The following CDC42SE2 variants were observed in gnomAD, a reference collection of about 807,000 sequenced individuals.
The protein encoded by CDC42SE2 is CDC42 small effector protein 2.
A neutral mutation model predicts 11.5 loss-of-function variants in CDC42SE2; 3 were observed. The observed-to-expected ratio is 0.26, with a 90% CI of 0.12 to 0.67. CDC42SE2 has a LOEUF of 0.67. Among genes scored for constraint, CDC42SE2 ranks in the 30% least tolerant of loss-of-function variants. The pLI, the probability that CDC42SE2 is intolerant of heterozygous loss-of-function variation, is 0.80. For missense variants in CDC42SE2, 82 were observed against 106.8 expected (o/e 0.77, Z 1.02); for synonymous variants, 33 against 34.8 (o/e 0.95, Z 0.18).
chr5:131,219,532 G>C, the CDC42SE2 span, among the ~76,000 whole-genome samples: 1 of 152,118 alleles, frequency 6.6e-6, no homozygotes, highest in Admixed American at 6.5e-5. Context: ...TAGTGAACAA[G>C]TAAGATTGAA....
chr5:131,246,761 CTTT>C (rs71000981), intron 1 of CDC42SE2, among the ~76,000 whole-genome samples: 2 of 124,474 alleles, frequency 1.6e-5, no homozygotes, highest in African/African-American at 3.0e-5. Context: ...CACTCAAATC[CTTT>C]TTTTTTTTTT....
At chr5:131,361,881 C>T (rs188730634) in intron 3 of CDC42SE2, among the ~76,000 whole-genome samples, 47 of 152,192 alleles carry the variant, frequency 3.1e-4, no homozygotes, top group Admixed American at 5.2e-4. Flanking sequence ...CTTGTGCAGG[C>T]GTGTTCCCTC....
At chr5:131,216,212 C>T in the CDC42SE2 span, among the ~76,000 whole-genome samples, 47 of 152,220 alleles carry the variant, frequency 3.1e-4, no homozygotes, top group African/African-American at 2.4e-5. Context: ...CAGTAGCTCA[C>T]GCCTGTAATC....
At chr5:131,245,678 T>G (rs1756576231) in intron 1 of CDC42SE2, 1 of 152,216 alleles carries the variant, frequency 6.6e-6, no homozygotes, top group Non-Finnish European at 1.5e-5. Context: ...AGAGCTTCTT[T>G]AAAAATCCCA....
chr5:131,228,238 G>A, the CDC42SE2 span, among the ~76,000 whole-genome samples: 3 of 152,080 alleles, frequency 2.0e-5, no homozygotes, highest in East Asian at 5.8e-4. Context: ...GTGGTGGTAG[G>A]TACCTGTAGT....
chr5:131,244,595 C>G (rs890526773), upstream of CDC42SE2, among the ~76,000 whole-genome samples: 1 of 152,146 alleles, frequency 6.6e-6, no homozygotes, highest in Non-Finnish European at 1.5e-5. Flanking sequence ...CCTGTACTCC[C>G]AGCTACTCGG....
chr5:131,359,638 T>G, intron 3 of CDC42SE2, 91 bp downstream of exon 3: 2 of 897,118 alleles, frequency 2.2e-6, no homozygotes, highest in Non-Finnish European at 3.8e-6. Flanking sequence ...TAGCAGTAAT[T>G]GCAAAGCAGT....
intron 1 of CDC42SE2, among the ~76,000 whole-genome samples, chr5:131,277,797 C>T (rs1028453623): frequency 6.6e-6 from 1 of 152,166 alleles, no homozygotes; most frequent in African/African-American, 2.4e-5. Context: ...TAGGTCCTCC[C>T]CATCACTGTT....
At chr5:131,279,331 T>A (rs953675796) in intron 1 of CDC42SE2, among the ~76,000 whole-genome samples, 6 of 152,158 alleles carry the variant, frequency 3.9e-5, no homozygotes, top group Non-Finnish European at 7.3e-5. Flanking sequence ...GATCTTCAGA[T>A]CCTCTGACAG....
At chr5:131,383,292 A>T (rs554759158) in intron 3 of CDC42SE2, among the ~76,000 whole-genome samples, 1 of 152,248 alleles carries the variant, frequency 6.6e-6, no homozygotes, top group Non-Finnish European at 1.5e-5. Flanking sequence ...GCTAGGAAAT[A>T]GAAAAATTAA....
chr5:131,284,402 G>C (rs373863486), intron 1 of CDC42SE2, among the ~76,000 whole-genome samples: 1 of 152,194 alleles, frequency 6.6e-6, no homozygotes, highest in Admixed American at 6.5e-5. Context: ...ACAATTGTTA[G>C]AGTGCTAAAG....
chr5:131,268,501 G>A (rs918893616), intron 1 of CDC42SE2, among the ~76,000 whole-genome samples: 9 of 151,374 alleles, frequency 5.9e-5, no homozygotes, highest in Non-Finnish European at 1.0e-4. Flanking sequence ...TGCCCAGGGT[G>A]GAGTGAAATG....
At chr5:131,328,836 C>T (rs1026358600) in intron 2 of CDC42SE2, among the ~76,000 whole-genome samples, 5 of 152,204 alleles carry the variant, frequency 3.3e-5, no homozygotes, top group Admixed American at 6.5e-5. Flanking sequence ...GTCAAATAGC[C>T]GCCACCTGGC....
intron 2 of CDC42SE2, among the ~76,000 whole-genome samples, chr5:131,357,978 C>T (rs1258187852): frequency 6.6e-6 from 1 of 152,212 alleles, no homozygotes; most frequent in Non-Finnish European, 1.5e-5. Context: ...GCTCCAGTGA[C>T]ACCACATTTA....
intron 1 of CDC42SE2, among the ~76,000 whole-genome samples, chr5:131,295,290 A>C (rs1295516675): frequency 6.6e-6 from 1 of 151,924 alleles, no homozygotes; most frequent in Non-Finnish European, 1.5e-5. Context: ...AAAAAAAAAA[A>C]CCAAACCAAA....
At chr5:131,388,003 A>AC (rs1750538475) in intron 4 of CDC42SE2, among the ~76,000 whole-genome samples, 1 of 152,010 alleles carries the variant, frequency 6.6e-6, no homozygotes. Context: ...TTCAATTAGT[A>AC]ACTTTTTTTT....
upstream of CDC42SE2, among the ~76,000 whole-genome samples, chr5:131,245,066 G>A (rs992550282): frequency 2.0e-5 from 3 of 152,118 alleles, no homozygotes; most frequent in Non-Finnish European, 4.4e-5. Flanking sequence ...CCAATAGACT[G>A]GTGGGAAAAC....
chr5:131,311,674 T>G (rs1757918021), intron 1 of CDC42SE2, among the ~76,000 whole-genome samples: 1 of 152,202 alleles, frequency 6.6e-6, no homozygotes, highest in Non-Finnish European at 1.5e-5. Flanking sequence ...ACTTCCCTTC[T>G]CACTTCATTT....
intron 2 of CDC42SE2, among the ~76,000 whole-genome samples, chr5:131,348,298 C>T (rs560277908): frequency 6.6e-6 from 1 of 152,300 alleles, no homozygotes; most frequent in South Asian, 2.1e-4. Flanking sequence ...TCAGCAATGT[C>T]TCACGATACA....
Sources: allele counts gnomAD v4.1 joint callset (sites outside exome capture counted in the v4.1 genomes callset), GRCh38; gene constraint gnomAD v4.1.1; transcripts MANE v1.5; gene names NCBI Gene and HGNC (gene_info 2026-07-23, HGNC 2026-07-21).